MAP3K5: variants seen among roughly 807,000 people sequenced by gnomAD.
The protein encoded by MAP3K5 is mitogen-activated protein kinase kinase kinase 5.
Under a neutral mutation model 158.7 loss-of-function variants are expected in MAP3K5, and 56 were observed. That is an observed-to-expected ratio of 0.35 (90% CI 0.28 to 0.44). The LOEUF (loss-of-function observed/expected upper bound fraction) is 0.44. MAP3K5 is among the 20% of genes least tolerant of loss of function. The probability of loss-of-function intolerance (pLI) is 1.00; values close to 1 mark genes in which losing one functional copy is unlikely to be tolerated. For synonymous variants in MAP3K5, 579 were observed against 601.7 expected (o/e 0.96, Z 0.55); for missense variants, 1,294 against 1,674.8 (o/e 0.77, Z 3.97).
chr6:136,617,614 A>G (rs1776620773), intron 15 of MAP3K5, among the ~76,000 whole-genome samples: 1 of 152,120 alleles, frequency 6.6e-6, no homozygotes, highest in Admixed American at 6.6e-5. Context: ...TCTCTCATAT[A>G]CAGCTGGGTG....
At chr6:136,558,359 A>G (rs1830346583) in intron 29 of MAP3K5, among the ~76,000 whole-genome samples, 1 of 151,754 alleles carries the variant, frequency 6.6e-6, no homozygotes, top group African/African-American at 2.4e-5. Flanking sequence ...AGCCTGGGTG[A>G]CAGAGTGAGA....
At chr6:136,663,860 C>G (rs186809179) in intron 8 of MAP3K5, among the ~76,000 whole-genome samples, 1 of 152,056 alleles carries the variant, frequency 6.6e-6, no homozygotes, top group Non-Finnish European at 1.5e-5. Context: ...TGAGGCCCAC[C>G]TTGGCCTCCC....
At chr6:136,627,952 C>G (rs1777121910) in intron 14 of MAP3K5, among the ~76,000 whole-genome samples, 1 of 152,124 alleles carries the variant, frequency 6.6e-6, no homozygotes, top group South Asian at 2.1e-4. Flanking sequence ...TAGCATGTAG[C>G]TTGTAGTAGA....
At chr6:136,631,610 T>C (rs145743789) in intron 14 of MAP3K5, among the ~76,000 whole-genome samples, 2 of 151,790 alleles carry the variant, frequency 1.3e-5, no homozygotes, top group East Asian at 3.9e-4. Flanking sequence ...CCTCTCGGGC[T>C]CAAGCAGAGA....
chr6:136,776,085 T>C (rs1353678161), intron 1 of MAP3K5, among the ~76,000 whole-genome samples: 2 of 152,238 alleles, frequency 1.3e-5, no homozygotes, highest in Non-Finnish European at 2.9e-5. Flanking sequence ...ACTTTCTCAT[T>C]ACTTATGTAT....
At chr6:136,737,031 G>GTATATATA (rs1321312225) in intron 1 of MAP3K5, among the ~76,000 whole-genome samples, 1 of 67,472 alleles carries the variant, frequency 1.5e-5, no homozygotes, top group South Asian at 4.7e-4. Context: ...ATATATATAT[G>GTATATATA]TGTGTGTATA....
Position 136,562,837 on chromosome 6 carries a change from A to ATTTTTTTT in MAP3K5, c.3762-230_3762-223dup, listed in dbSNP as rs3040779. On this transcript the variant is annotated intron_variant, in intron 26 of 29. Transcript: ENST00000359015. ...AGACATGCACCACCATGCCTGGCTA[A>ATTTTTTTT]TTTTTTTTTTTTTTTTTTTTGTAGA... Among the ~76,000 whole-genome samples the ATTTTTTTT allele has an allele frequency of 1.5e-3, 186 of 124,818 alleles. 2 individuals are homozygous for ATTTTTTTT. Among genetic ancestry groups the ATTTTTTTT allele is most frequent in the South Asian group, 2.5e-3 (10 of 4,012 alleles). The allele number at this position is 124,818 out of a possible 152,430, so 81.9% of individuals were successfully genotyped here.
intron 14 of MAP3K5, among the ~76,000 whole-genome samples, chr6:136,636,437 C>T (rs2179347): frequency 0.61 from 92,187 of 151,502 alleles, 28,243 homozygotes; most frequent in South Asian, 0.72. Flanking sequence ...TGGACTAAGT[C>T]ACTTGGATTC....
intron 17 of MAP3K5, 48 bp from the exon 18 acceptor site, chr6:136,611,435 C>A: frequency 9.1e-7 from 1 of 1,101,812 alleles, no homozygotes; most frequent in South Asian, 1.3e-5. Context: ...TCTTCAGATA[C>A]TGTCTGTTGT....
At chr6:136,660,134 C>G (rs945945869) in intron 8 of MAP3K5, among the ~76,000 whole-genome samples, 1 of 152,142 alleles carries the variant, frequency 6.6e-6, no homozygotes, top group East Asian at 1.9e-4. Flanking sequence ...AAAGGAAAAT[C>G]TTACCTTTTT....
chr6:136,557,821 G>T lies in MAP3K5; in HGVS notation c.4065-3C>A. The T allele has an allele frequency of 6.2e-7, 1 of 1,602,310 alleles. No individual in the cohort carries two copies. The highest frequency in any genetic ancestry group is 8.6e-7 in the Non-Finnish European group (1 of 1,169,262). On this transcript the variant is annotated splice_polypyrimidine_tract_variant and splice_region_variant and intron_variant, in intron 29 of 29. Transcript: ENST00000359015. ...ACAGTGTGCACAGCATCCCTCCCCTGTTTAAAGACACAAGAACATGGTGAA... is the reference window on the plus strand; with the variant it reads ...ACAGTGTGCACAGCATCCCTCCCCTTTTTAAAGACACAAGAACATGGTGAA...
chr6:136,588,490 T>C (rs1775236408), intron 23 of MAP3K5, among the ~76,000 whole-genome samples: 1 of 152,240 alleles, frequency 6.6e-6, no homozygotes, highest in Admixed American at 6.5e-5. Context: ...CTGTTATTAC[T>C]ATATGTTTTA....
chr6:136,698,868 T>C (rs6929681), intron 3 of MAP3K5, among the ~76,000 whole-genome samples, 186 bp from the exon 4 acceptor site: 2 of 152,042 alleles, frequency 1.3e-5, no homozygotes, highest in Non-Finnish European at 2.9e-5. Flanking sequence ...TTCAAATAAT[T>C]AGGACTTACA....
intron 11 of MAP3K5, chr6:136,647,834 G>C (rs1227079806): frequency 1.3e-5 from 2 of 152,432 alleles, no homozygotes; most frequent in Non-Finnish European, 2.9e-5. Flanking sequence ...AGGACTCCAT[G>C]CCTCACTGAT....
At chr6:136,689,374 T>C (rs1780290740) in intron 7 of MAP3K5, among the ~76,000 whole-genome samples, 1 of 152,206 alleles carries the variant, frequency 6.6e-6, no homozygotes. Flanking sequence ...TAAAAATTCA[T>C]AGTACAAATT....
chr6:136,754,880 A>C (rs1783403741), intron 1 of MAP3K5, among the ~76,000 whole-genome samples: 1 of 152,084 alleles, frequency 6.6e-6, no homozygotes, highest in African/African-American at 2.4e-5. Flanking sequence ...CACTGACAAG[A>C]TCTCGATGCT....
At chr6:136,599,786 CTTCTGTGTAA>C (rs1775796002) in intron 21 of MAP3K5, among the ~76,000 whole-genome samples, 1 of 152,214 alleles carries the variant, frequency 6.6e-6, no homozygotes, top group African/African-American at 2.4e-5. Context: ...TCAGAACCCA[CTTCTGTGTAA>C]TTCTGAAGTC....
At chr6:136,629,446 C>A (rs894063913) in intron 14 of MAP3K5, among the ~76,000 whole-genome samples, 5 of 152,070 alleles carry the variant, frequency 3.3e-5, no homozygotes, top group African/African-American at 1.2e-4. Flanking sequence ...TCCCTTAGAT[C>A]TTTACTCACA....
intron 19 of MAP3K5, 123 bp from the exon 20 acceptor site, chr6:136,602,102 T>A: frequency 1.4e-6 from 1 of 720,900 alleles, no homozygotes; most frequent in Admixed American, 2.8e-5. Flanking sequence ...CACAAACTTA[T>A]GGCTTTTCTC....
Sources: gnomAD v4.1 joint callset for allele counts (sites outside exome capture counted in the v4.1 genomes callset) on GRCh38, gnomAD v4.1.1 for gene constraint, MANE v1.5 for transcripts, NCBI Gene and HGNC (gene_info 2026-07-23, HGNC 2026-07-21) for gene names.